Variants in RPS6KA2 observed in about 807,000 individuals in gnomAD.
RPS6KA2 encodes ribosomal protein S6 kinase alpha-2.
Under a neutral mutation model 91.8 loss-of-function variants are expected in RPS6KA2, and 42 were observed. That is an observed-to-expected ratio of 0.46 (90% CI 0.36 to 0.59). The LOEUF is 0.59. Among genes scored for constraint, RPS6KA2 ranks in the 20% least tolerant of loss-of-function variants. The pLI, the probability that RPS6KA2 is intolerant of heterozygous loss-of-function variation, is 0.00. For missense variants in RPS6KA2, 798 were observed against 978.5 expected (o/e 0.82, Z 2.46); for synonymous variants, 414 against 393.6 (o/e 1.05, Z -0.61).
intron 1 of RPS6KA2, among the ~76,000 whole-genome samples, chr6:166,546,626 C>G (rs76987217): frequency 0.01 from 1,535 of 152,162 alleles, 67 homozygotes; most frequent in Admixed American, 0.083. Flanking sequence ...AAGAAAACTA[C>G]AGTCATATCC....
At chr6:166,805,070 A>G (rs1294974717) in intron 2 of RPS6KA2, among the ~76,000 whole-genome samples, 1 of 152,202 alleles carries the variant, frequency 6.6e-6, no homozygotes, top group Admixed American at 6.5e-5. Flanking sequence ...ATTGCAATAG[A>G]GTAATTATTT....
At chr6:166,417,493 C>T (rs1258094258) in intron 19 of RPS6KA2, among the ~76,000 whole-genome samples, 4 of 152,110 alleles carry the variant, frequency 2.6e-5, no homozygotes, top group Non-Finnish European at 5.9e-5. Flanking sequence ...GGCAGATAGC[C>T]TGTGGTGGGC....
intron 1 of RPS6KA2, among the ~76,000 whole-genome samples, chr6:166,620,842 A>G (rs996903555): frequency 2.0e-5 from 3 of 152,236 alleles, no homozygotes; most frequent in African/African-American, 7.2e-5. Flanking sequence ...AGAAGGATTC[A>G]GTGGTTTGGC....
chr6:166,661,342 C>T (rs1466950136), intron 2 of RPS6KA2, among the ~76,000 whole-genome samples: 1 of 152,128 alleles, frequency 6.6e-6, no homozygotes, highest in Non-Finnish European at 1.5e-5. Flanking sequence ...TCAGGCGATC[C>T]GCCCGCCTCG....
rs2230729 is a variant in RPS6KA2 at position 166,459,522 on chromosome 6, C to T, written c.1002G>A (p.Pro334=). The change falls in exon 12 of 21, where the codon CCG becomes CCA. Residue 334 remains proline, a synonymous_variant. Coordinates refer to ENST00000265678, the MANE Select transcript of RPS6KA2 (RefSeq NM_021135.6). The surrounding 1 kb of genome is among the most constrained non-coding windows in gnomAD (Gnocchi z 4.9). ...NTLYRKEIKP[P]FKPAVGRPED... is the part of the protein sequence containing the mutation. Reference sequence around the variant, plus strand: ...CAGGCCTGCCCACTGCTGGTTTGAACGGTGGCTTGATCTCCTTCCGGTACA... The same window carrying T: ...CAGGCCTGCCCACTGCTGGTTTGAATGGTGGCTTGATCTCCTTCCGGTACA... 245,726 of 1,612,334 alleles carry T rather than the reference C, an allele frequency of 0.15. 19,478 individuals carry two copies. Among genetic ancestry groups the T allele is most frequent in the Admixed American group, 0.23 (13,620 of 59,950 alleles).
intron 1 of RPS6KA2, chr6:166,858,354 A>G (rs1780964099): frequency 2.9e-6 from 2 of 685,486 alleles, no homozygotes. Context: ...TACTAACTAA[A>G]TATCCCGCAT....
intron 2 of RPS6KA2, among the ~76,000 whole-genome samples, chr6:166,743,352 C>T (rs1347372070): frequency 6.6e-6 from 1 of 152,206 alleles, no homozygotes. Context: ...ACACTGCCCT[C>T]GTGAACATGC....
chr6:166,525,554 G>C (rs1479892518), intron 3 of RPS6KA2, among the ~76,000 whole-genome samples: 1 of 152,184 alleles, frequency 6.6e-6, no homozygotes, highest in African/African-American at 2.4e-5. Flanking sequence ...ATTATCCTCC[G>C]AGGTGAGCTG....
intron 2 of RPS6KA2, among the ~76,000 whole-genome samples, chr6:166,632,631 C>A (rs568984587): frequency 3.6e-4 from 54 of 150,746 alleles, no homozygotes; most frequent in African/African-American, 1.3e-3. Flanking sequence ...AAAAAAATTT[C>A]TTTGTCAATT....
intron 2 of RPS6KA2, among the ~76,000 whole-genome samples, chr6:166,696,744 GACAGA>G (rs1789370522): frequency 6.6e-6 from 1 of 152,144 alleles, no homozygotes; most frequent in Non-Finnish European, 1.5e-5. Context: ...TCAGTGAAAG[GACAGA>G]ACAGAAAAGC....
chr6:166,505,751 C>T (rs1049600989), intron 5 of RPS6KA2, among the ~76,000 whole-genome samples: 3 of 152,212 alleles, frequency 2.0e-5, no homozygotes, highest in African/African-American at 7.2e-5. Flanking sequence ...CACCCACCGG[C>T]CCCCCGAGTC....
intron 2 of RPS6KA2, among the ~76,000 whole-genome samples, chr6:166,713,908 C>T (rs562082274): frequency 9.9e-5 from 15 of 152,236 alleles, no homozygotes; most frequent in African/African-American, 3.6e-4. Context: ...GTCACCACAC[C>T]CTGTCACCCA....
At position 166,435,373 on chromosome 6, in the gene RPS6KA2, G is replaced by A. The variant is rs144450095; in HGVS notation, c.1333-2883C>T. 4.4e-3 allele frequency among the ~76,000 whole-genome samples: 663 copies of A among 152,308 alleles called. 6 individuals are homozygous for A. The highest frequency in any genetic ancestry group is 0.015 in the African/African-American group (622 of 41,552). On this transcript the variant is annotated intron_variant, in intron 14 of 20. Coordinates refer to ENST00000265678, the MANE Select transcript of RPS6KA2 (RefSeq NM_021135.6). This position sits in a 1 kb window ranked among gnomAD's most constrained non-coding sequence, Gnocchi z 4.3. ...GAGGCACACTGGATTTCAACCCATCGGAGCCAGTGTCCTGGTCATTTGCTA... is the reference window on the plus strand; with the variant it reads ...GAGGCACACTGGATTTCAACCCATCAGAGCCAGTGTCCTGGTCATTTGCTA...
intron 2 of RPS6KA2, chr6:166,702,603 C>G: frequency 6.4e-7 from 1 of 1,561,728 alleles, no homozygotes; most frequent in Non-Finnish European, 8.8e-7. Flanking sequence ...GTTTCCGAAT[C>G]CTTTGCCTTT....
At chr6:166,573,044 C>G (rs1187737700) in intron 1 of RPS6KA2, among the ~76,000 whole-genome samples, 1 of 152,242 alleles carries the variant, frequency 6.6e-6, no homozygotes, top group Non-Finnish European at 1.5e-5. Flanking sequence ...GGACAGTGTG[C>G]CTGGGGTTCC....
At chr6:166,446,754 G>A (rs763839934) in intron 14 of RPS6KA2, among the ~76,000 whole-genome samples, 26 of 152,284 alleles carry the variant, frequency 1.7e-4, no homozygotes, top group Non-Finnish European at 2.9e-4. Context: ...TTCTGGAAGG[G>A]CACCGCGGCT....
At chr6:166,452,917 G>T (rs1297678159) in intron 12 of RPS6KA2, among the ~76,000 whole-genome samples, 2 of 152,092 alleles carry the variant, frequency 1.3e-5, no homozygotes. Flanking sequence ...AGTCTTTTAA[G>T]GGCTGGGTGC....
chr6:166,414,515 A>G (rs911999247), intron 19 of RPS6KA2, among the ~76,000 whole-genome samples: 2 of 152,254 alleles, frequency 1.3e-5, no homozygotes, highest in Non-Finnish European at 2.9e-5. Flanking sequence ...CATACAATAC[A>G]GTGCACATTC....
chr6:166,487,934 GA>G (rs1159987135), intron 10 of RPS6KA2, among the ~76,000 whole-genome samples: 1 of 152,164 alleles, frequency 6.6e-6, no homozygotes, highest in African/African-American at 2.4e-5. Flanking sequence ...CCCTGCAATG[GA>G]AGCTGATGTG....
Sources: allele counts gnomAD v4.1 joint callset (sites outside exome capture counted in the v4.1 genomes callset), GRCh38; gene constraint gnomAD v4.1.1; non-coding constraint Gnocchi (gnomAD v3.1); transcripts MANE v1.5; gene names NCBI Gene and HGNC (gene_info 2026-07-23, HGNC 2026-07-21).